Variants in TRPT1 observed in about 807,000 individuals in gnomAD.
TRPT1 encodes tRNA 2'-phosphotransferase 1.
Under a neutral mutation model 28.4 loss-of-function variants are expected in TRPT1, and 22 were observed. That is an observed-to-expected ratio of 0.78 (90% CI 0.55 to 1.11). The LOEUF is 1.11. Among genes scored for constraint, TRPT1 ranks in the 50% least tolerant of loss-of-function variants. TRPT1 has a pLI of 0.00. For missense variants in TRPT1, 308 were observed against 317.7 expected, an observed-to-expected ratio of 0.97 and a Z score of 0.23; for synonymous variants, 137 against 132.4, an observed-to-expected ratio of 1.03 and a Z score of -0.24.
rs377533836 is a variant in TRPT1, at chr11:64,225,876, G to A, written c.-9-7C>T. The stretch of plus-strand genomic sequence containing the variant: ...AGAAGTTCATGGTTAAGACCTGTGG[G>A]GGGCAGTGACGAGGGGGGACTGCTT... On this transcript the variant is annotated splice_region_variant and splice_polypyrimidine_tract_variant and intron_variant, in intron 1 of 7. Transcript: ENST00000317459. The A allele has an allele frequency of 4.9e-5, 75 of 1,540,280 alleles. 1 individual carries two copies. Among genetic ancestry groups the A allele is most frequent in the Middle Eastern group, 1.7e-4 (1 of 5,988 alleles).
chr11:64,225,936 A>G (rs1946989077), intron 1 of TRPT1, 67 bp from the exon 2 acceptor site: 2 of 964,732 alleles, frequency 2.1e-6, no homozygotes. Flanking sequence ...CCTCCCAGAA[A>G]GTCACAAAGC....
At chr11:64,225,168 C>T in intron 3 of TRPT1, 198 bp from the exon 4 acceptor site, 1 of 663,386 alleles carries the variant, frequency 1.5e-6, no homozygotes, top group Non-Finnish European at 2.5e-6. Context: ...CACGGAGGGG[C>T]AGGGAGGTGA....
At chr11:64,225,658 C>T (rs1301157460) in intron 2 of TRPT1, 78 bp from the exon 3 acceptor site, 6 of 1,461,790 alleles carry the variant, frequency 4.1e-6, no homozygotes, top group Non-Finnish European at 5.6e-6. Flanking sequence ...CAATGACCCA[C>T]TGCAGAGAGA....
In TRPT1 at chr11:64,226,088, A is replaced by G; in HGVS notation, c.-48T>C. The G allele has an allele frequency of 1.8e-6, 1 of 541,634 alleles. No individual in the cohort carries two copies. Among genetic ancestry groups the G allele is most frequent in the Admixed American group, 3.6e-5 (1 of 27,904 alleles). 33.6% of individuals were successfully genotyped at this position (541,634 alleles called of 1,614,324 possible). A position where few individuals can be genotyped will look rare whatever the true frequency, so the allele number is the denominator to read the frequency against. On this transcript the variant is annotated 5_prime_UTR_variant, in exon 1 of 8. Coordinates refer to ENST00000317459, the MANE Select transcript of TRPT1 (RefSeq NM_001033678.4). ...GTCAGCCAGGAGCGCAGGGAGGCCGAGCCCCGCACCCCAGATCGCTGGTGC... is the reference window on the plus strand; with the variant it reads ...GTCAGCCAGGAGCGCAGGGAGGCCGGGCCCCGCACCCCAGATCGCTGGTGC...
At chr11:64,224,400 A>C in intron 5 of TRPT1, 59 bp from the exon 6 acceptor site, 1 of 1,607,350 alleles carries the variant, frequency 6.2e-7, no homozygotes, top group Non-Finnish European at 8.5e-7. Context: ...CAACCTAGGC[A>C]GACTGGGGTC....
chr11:64,224,282 C>A lies in TRPT1; in HGVS notation c.559+3G>T. 1 of 1,613,902 alleles carries A rather than the reference C, an allele frequency of 6.2e-7. No individual in the cohort carries two copies. The highest frequency in any genetic ancestry group is 1.1e-5 in the South Asian group (1 of 91,082). On this transcript the variant is annotated splice_donor_region_variant and intron_variant, in intron 6 of 7. Transcript: ENST00000317459. ...GGGCAGCTCCTGCTTTGTCCAGACT[C>A]ACCTGCCAGAGCCAGGGGTCCATCG...
In TRPT1 at chr11:64,224,162, C is replaced by G; in HGVS notation, c.608G>C (p.Gly203Ala). 1.2e-6 allele frequency: 2 copies of G among 1,607,416 alleles called. No individual in the cohort carries two copies. The highest frequency in any genetic ancestry group is 1.7e-6 in the Non-Finnish European group (2 of 1,175,600). The change falls in exon 7 of 8, where the codon GGG becomes GCG. Residue 203 changes from glycine (G) to alanine (A), a missense_variant. By Grantham distance (60) the Gly-to-Ala change is moderately conservative. Coordinates refer to ENST00000317459, the MANE Select transcript of TRPT1 (RefSeq NM_001033678.4). ...RSANGVILTP[G>A]NTDGFLLPKY... ...GGGAAGGAGGAAGCCATCAGTATTC[C>G]CTGGAGTCAGAATCACCCCATTGGC...
chr11:64,224,884 T>C lies in TRPT1; in HGVS notation c.244A>G (p.Asn82Asp), dbSNP rs1239675605. The change falls in exon 4 of 8, where the codon AAT (asparagine) becomes GAT (aspartate). Residue 82 changes from asparagine to aspartate, a missense_variant. By Grantham distance (23) the Asn-to-Asp change is conservative. Transcript: ENST00000317459. ...TGCAGGGCGAACCGCTGCTTCCTATTGGTGTCCACCACGCGCTGCACATCT... is the reference window on the plus strand; with the variant it reads ...TGCAGGGCGAACCGCTGCTTCCTATCGGTGTCCACCACGCGCTGCACATCT... ...AEDVQRVVDT[N>D]RKQRFALQLG... 1 of 1,611,086 alleles carries C rather than the reference T, an allele frequency of 6.2e-7. No individual in the cohort carries two copies. The highest frequency in any genetic ancestry group is 8.5e-7 in the Non-Finnish European group (1 of 1,179,100).
At position 64,224,693 on chromosome 11, in the gene TRPT1, G is replaced by A; in HGVS notation, c.352C>T (p.Leu118=). Residue 118 remains leucine, a synonymous_variant, in exon 5 of 8, where the codon CTG becomes TTG. Transcript: ENST00000317459. ...GGGGGCAGGGCCTGCGGTGTCTCCA[G>A]GGGCATCAGCTCCAACTTAGGTACC... ...LQVPKLELMP[L]ETPQALPPML... 3 of 1,598,650 alleles carry A rather than the reference G, an allele frequency of 1.9e-6. No homozygotes were observed. Among genetic ancestry groups the A allele is most frequent in the Non-Finnish European group, 2.6e-6 (3 of 1,171,144 alleles).
intron 3 of TRPT1, 61 bp from the exon 4 acceptor site, chr11:64,225,031 G>A: frequency 6.7e-7 from 1 of 1,502,316 alleles, no homozygotes. Flanking sequence ...GGGTTAACAG[G>A]GAGCCACAGG....
At chr11:64,225,924 TC>T (rs1946988349) in intron 1 of TRPT1, 55 bp from the exon 2 acceptor site, 3 of 1,061,060 alleles carry the variant, frequency 2.8e-6, no homozygotes. Flanking sequence ...CACGTCCCCA[TC>T]CCTCCCAGAA....
Position 64,225,833 on chromosome 11 carries a change from C to G in TRPT1, c.28G>C (p.Glu10Gln). The change falls in exon 2 of 8, where the codon GAA becomes CAA. Residue 10 changes from glutamate (E) to glutamine (Q), a missense_variant. Physicochemically the swap from Glu to Gln is conservative, Grantham distance 29. Transcript: ENST00000317459. MNFSGGGRQEAAGSRGRRAP... is the reference protein window; with the variant it reads MNFSGGGRQQAAGSRGRRAP... Reference sequence around the variant, plus strand: ...CTTCTACCCCTGGACCCTGCTGCTTCCTGCCTCCCTCCTCCAGAGAAGTTC... The same window carrying G: ...CTTCTACCCCTGGACCCTGCTGCTTGCTGCCTCCCTCCTCCAGAGAAGTTC... 1 of 1,555,674 alleles carries G rather than the reference C, an allele frequency of 6.4e-7. No individual in the cohort carries two copies. Among genetic ancestry groups the G allele is most frequent in the Non-Finnish European group, 8.7e-7 (1 of 1,148,794 alleles).
intron 5 of TRPT1, 91 bp downstream of exon 5, chr11:64,224,451 TG>T: frequency 2.5e-6 from 4 of 1,591,714 alleles, no homozygotes; most frequent in Middle Eastern, 1.8e-4. Context: ...ATGCCGGACA[TG>T]GGGTGGCCCC....
intron 3 of TRPT1, chr11:64,225,197 GC>G (rs1946913309): frequency 1.6e-6 from 1 of 618,614 alleles, no homozygotes; most frequent in Admixed American, 3.0e-5. Flanking sequence ...CATAGCGCTG[GC>G]CCGGAGTGCA....
At chr11:64,225,725 G>A in intron 2 of TRPT1, 61 bp downstream of exon 2, 1 of 1,417,902 alleles carries the variant, frequency 7.1e-7, no homozygotes, top group Admixed American at 2.1e-5. Flanking sequence ...CTTCAGCTCC[G>A]CCCCCCAGCA....
intron 2 of TRPT1, 45 bp downstream of exon 2, chr11:64,225,741 C>T: frequency 6.8e-7 from 1 of 1,477,386 alleles, no homozygotes; most frequent in South Asian, 1.2e-5. Flanking sequence ...CAGCAACTCC[C>T]AGGGAGCCTG....
chr11:64,224,154 CAGT>C lies in TRPT1; in HGVS notation c.613_615del (p.Thr205del), dbSNP rs1445707910. The C allele has an allele frequency of 1.2e-6, 2 of 1,606,878 alleles. No individual in the cohort carries two copies. Among genetic ancestry groups the C allele is most frequent in the Non-Finnish European group, 1.7e-6 (2 of 1,175,292 alleles). On this transcript the variant is annotated inframe_deletion, in exon 7 of 8. Transcript: ENST00000317459. ...AAGTACTTGGGAAGGAGGAAGCCAT[CAGT>C]ATTCCCTGGAGTCAGAATCACCCCA...
intron 1 of TRPT1, 40 bp from the exon 2 acceptor site, chr11:64,225,909 C>T (rs1350080746): frequency 1.4e-5 from 17 of 1,173,696 alleles, no homozygotes; most frequent in East Asian, 7.6e-5. Context: ...CTTTAAGGCC[C>T]CTTCCACGTC....
At chr11:64,225,413 G>T in intron 3 of TRPT1, 86 bp downstream of exon 3, 1 of 1,138,784 alleles carries the variant, frequency 8.8e-7, no homozygotes, top group Non-Finnish European at 1.3e-6. Context: ...CTCAGGGAGC[G>T]GTGGAGGCAG....
Sources: gnomAD v4.1 joint callset for allele counts on GRCh38, gnomAD v4.1.1 for gene constraint, MANE v1.5 for transcripts, NCBI Gene and HGNC (gene_info 2026-07-23, HGNC 2026-07-21) for gene names.